MAPK10: variants seen among roughly 807,000 people sequenced by gnomAD.
MAPK10 encodes the protein mitogen-activated protein kinase 10.
A neutral mutation model predicts 59.3 loss-of-function variants in MAPK10; 25 were observed. That is an observed-to-expected ratio of 0.42 (90% CI 0.31 to 0.59). The LOEUF is 0.59. MAPK10 is among the 20% of genes least tolerant of loss of function. The pLI, the probability that MAPK10 is intolerant of heterozygous loss-of-function variation, is 0.15. For missense variants in MAPK10, 351 were observed against 568.9 expected (o/e 0.62, Z 3.90); for synonymous variants, 190 against 200.5 (o/e 0.95, Z 0.44).
intron 1 of MAPK10, among the ~76,000 whole-genome samples, chr4:86,377,695 A>G (rs1740036915): frequency 6.6e-6 from 1 of 152,208 alleles, no homozygotes; most frequent in African/African-American, 2.4e-5. Flanking sequence ...AACATTTTTA[A>G]GTCTCTCAGC....
At chr4:86,490,134 C>G (rs1379626779) in intron 1 of MAPK10, among the ~76,000 whole-genome samples, 5 of 152,062 alleles carry the variant, frequency 3.3e-5, no homozygotes, top group Non-Finnish European at 7.4e-5. Flanking sequence ...TAAATTGATC[C>G]ACTCATTCAG....
intron 2 of MAPK10, among the ~76,000 whole-genome samples, chr4:86,211,857 T>C (rs2085906833): frequency 6.6e-6 from 1 of 152,122 alleles, no homozygotes; most frequent in African/African-American, 2.4e-5. Flanking sequence ...GTTACTGAAG[T>C]TAAGTTGGTA....
At chr4:86,524,439 C>T (rs1323518711) in intron 1 of MAPK10, among the ~76,000 whole-genome samples, 1 of 152,196 alleles carries the variant, frequency 6.6e-6, no homozygotes, top group Non-Finnish European at 1.5e-5. Flanking sequence ...GTACATTCTA[C>T]CTCCACAGTG....
chr4:86,465,105 C>G (rs1031463494), intron 1 of MAPK10, among the ~76,000 whole-genome samples: 15 of 152,328 alleles, frequency 9.8e-5, no homozygotes, highest in African/African-American at 3.6e-4. Flanking sequence ...AGGATTGGAA[C>G]CTAACTCTCT....
intron 4 of MAPK10, among the ~76,000 whole-genome samples, chr4:86,114,257 C>T (rs2057977942): frequency 6.6e-6 from 1 of 152,228 alleles, no homozygotes; most frequent in Non-Finnish European, 1.5e-5. Context: ...TGTGCCCCCA[C>T]TGGAGAGGTG....
chr4:86,119,092 T>C (rs1292124197), intron 4 of MAPK10, among the ~76,000 whole-genome samples: 1 of 152,222 alleles, frequency 6.6e-6, no homozygotes, highest in Non-Finnish European at 1.5e-5. Context: ...ATGGTTTGGC[T>C]GTACAAGTTT....
intron 2 of MAPK10, among the ~76,000 whole-genome samples, chr4:86,262,360 A>G (rs937319039): frequency 6.6e-6 from 1 of 152,194 alleles, no homozygotes; most frequent in African/African-American, 2.4e-5. Context: ...ATAAAAAATA[A>G]ATCGCTGTTC....
chr4:86,522,259 T>C (rs188231433), intron 1 of MAPK10, among the ~76,000 whole-genome samples: 6 of 152,250 alleles, frequency 3.9e-5, no homozygotes, highest in Admixed American at 1.3e-4. Flanking sequence ...TCCTTGAAAG[T>C]AGGTGTCAAG....
chr4:86,409,864 T>A (rs548671268), intron 1 of MAPK10, among the ~76,000 whole-genome samples: 2 of 152,194 alleles, frequency 1.3e-5, no homozygotes, highest in Non-Finnish European at 2.9e-5. Context: ...CAATTTGACT[T>A]TCTCTTTTCC....
chr4:86,199,526 A>AT (rs1935126816), intron 2 of MAPK10, among the ~76,000 whole-genome samples: 1 of 152,008 alleles, frequency 6.6e-6, no homozygotes, highest in African/African-American at 2.4e-5. Context: ...AAGCAAAGGA[A>AT]TAAAAAAAGC....
chr4:86,189,468 C>T (rs894523009), intron 3 of MAPK10, among the ~76,000 whole-genome samples: 1 of 152,050 alleles, frequency 6.6e-6, no homozygotes, highest in African/African-American at 2.4e-5. Context: ...CATTCGCATC[C>T]CTTTTAATTG....
intron 3 of MAPK10, among the ~76,000 whole-genome samples, chr4:86,164,743 G>A (rs530983486): frequency 1.5e-4 from 23 of 152,248 alleles, no homozygotes; most frequent in Admixed American, 1.1e-3. Context: ...ACATGTTAAA[G>A]TGAACACTCA....
chr4:86,240,135 A>G (rs1264654306), intron 2 of MAPK10, among the ~76,000 whole-genome samples: 1 of 152,134 alleles, frequency 6.6e-6, no homozygotes, highest in South Asian at 2.1e-4. Context: ...CAGGTTGTTA[A>G]ATTTCCATGA....
At chr4:86,245,925 C>G (rs2093054078) in intron 2 of MAPK10, among the ~76,000 whole-genome samples, 1 of 152,092 alleles carries the variant, frequency 6.6e-6, no homozygotes, top group Non-Finnish European at 1.5e-5. Flanking sequence ...AATACTTTAT[C>G]TGTAATTGGT....
At chr4:86,144,494 A>T (rs1481814225) in intron 4 of MAPK10, among the ~76,000 whole-genome samples, 1 of 152,198 alleles carries the variant, frequency 6.6e-6, no homozygotes, top group African/African-American at 2.4e-5. Context: ...TTCATTTCAA[A>T]GTGGGTGAAT....
chr4:86,258,908 T>C (rs1400172149), intron 2 of MAPK10, among the ~76,000 whole-genome samples: 1 of 152,198 alleles, frequency 6.6e-6, no homozygotes, highest in African/African-American at 2.4e-5. Flanking sequence ...TTATTGTACT[T>C]AACATCTTCT....
intron 1 of MAPK10, among the ~76,000 whole-genome samples, chr4:86,557,837 A>T (rs2149102995): frequency 6.6e-6 from 1 of 152,238 alleles, no homozygotes; most frequent in African/African-American, 2.4e-5. Flanking sequence ...TTCTGTTTTT[A>T]TATACACTCC....
intron 1 of MAPK10, among the ~76,000 whole-genome samples, chr4:86,405,605 A>G (rs954789103): frequency 6.6e-6 from 1 of 152,234 alleles, no homozygotes; most frequent in Non-Finnish European, 1.5e-5. Context: ...TATTTGGGCA[A>G]TTAAAGGTAA....
chr4:86,553,086 G>T (rs72665748), intron 1 of MAPK10, among the ~76,000 whole-genome samples: 2 of 152,138 alleles, frequency 1.3e-5, no homozygotes, highest in Non-Finnish European at 2.9e-5. Context: ...ACAAAAATAG[G>T]ATGCTGACAG....
Sources: allele counts gnomAD v4.1 joint callset (sites outside exome capture counted in the v4.1 genomes callset), GRCh38; gene constraint gnomAD v4.1.1; transcripts MANE v1.5; gene names NCBI Gene and HGNC (gene_info 2026-07-23, HGNC 2026-07-21).